DLGAP1: variants seen among roughly 807,000 people sequenced by gnomAD.
DLGAP1 encodes DLG associated protein 1.
DLGAP1 carries 11 observed loss-of-function variants against 90.8 expected under a neutral mutation model. The observed-to-expected ratio is 0.12, with a 90% CI of 0.08 to 0.20. DLGAP1 has a LOEUF of 0.20. Among genes scored for constraint, DLGAP1 ranks in the 10% least tolerant of loss-of-function variants. DLGAP1 has a pLI of 1.00. For missense variants in DLGAP1, 1,050 were observed against 1,333.8 expected (o/e 0.79, Z 3.31); for synonymous variants, 558 against 540.7 (o/e 1.03, Z -0.44).
At chr18:4,211,672 ATCAGCAATCACTCAAT>A (rs1415436903) in intron 1 of DLGAP1, among the ~76,000 whole-genome samples, 1 of 152,180 alleles carries the variant, frequency 6.6e-6, no homozygotes, top group East Asian at 1.9e-4. Flanking sequence ...ACCCAGAAAG[ATCAGCAATCACTCAAT>A]TAGCTTCCAC....
chr18:3,809,489 A>G (rs376799881), intron 5 of DLGAP1, among the ~76,000 whole-genome samples: 94 of 152,354 alleles, frequency 6.2e-4, no homozygotes, highest in African/African-American at 2.2e-3. Context: ...CCTTCAAGGC[A>G]TTTAGAACTG....
intron 7 of DLGAP1, among the ~76,000 whole-genome samples, chr18:3,644,976 T>G (rs1280094526): frequency 6.6e-6 from 1 of 152,228 alleles, no homozygotes; most frequent in Non-Finnish European, 1.5e-5. Flanking sequence ...ATACTCATAA[T>G]GTTTAAATAT....
intron 9 of DLGAP1, among the ~76,000 whole-genome samples, chr18:3,534,910 T>A (rs1425810378): frequency 3.3e-5 from 5 of 152,100 alleles, no homozygotes; most frequent in African/African-American, 1.2e-4. Context: ...CAGGTGGGTC[T>A]CGAACTACTG....
rs1309505325 is a variant in DLGAP1, at chr18:3,565,115, G to C, written c.2057+2375C>G. On this transcript the variant is annotated intron_variant, in intron 9 of 12. Transcript: ENST00000315677. This position sits in a 1 kb window ranked among gnomAD's most constrained non-coding sequence, Gnocchi z 4.0. The stretch of plus-strand genomic sequence containing the variant: ...GTCAACCACTACATCGTTGAGAAAA[G>C]GCACCAAGCTGGGCTGGTGGGAGAT... Among the ~76,000 whole-genome samples, 2 of 152,140 alleles carry C rather than the reference G, an allele frequency of 1.3e-5. No individual in the cohort carries two copies. Among genetic ancestry groups the C allele is most frequent in the Admixed American group, 1.3e-4 (2 of 15,268 alleles).
At chr18:4,034,016 C>A (rs1482101875) in intron 2 of DLGAP1, among the ~76,000 whole-genome samples, 1 of 149,080 alleles carries the variant, frequency 6.7e-6, no homozygotes, top group Non-Finnish European at 1.5e-5. Context: ...GGATGAGGGG[C>A]ATGAGCCACC....
At chr18:3,584,981 G>A (rs981737982) in intron 7 of DLGAP1, among the ~76,000 whole-genome samples, 3 of 152,104 alleles carry the variant, frequency 2.0e-5, no homozygotes, top group Admixed American at 1.3e-4. Flanking sequence ...TTGAACCCCT[G>A]GCTTCAAGCG....
intron 4 of DLGAP1, among the ~76,000 whole-genome samples, chr18:3,820,341 C>G (rs1333584709): frequency 6.6e-6 from 1 of 152,182 alleles, no homozygotes; most frequent in Non-Finnish European, 1.5e-5. Context: ...GGGAGGAAAA[C>G]TGATGAACCC....
intron 5 of DLGAP1, among the ~76,000 whole-genome samples, chr18:3,784,476 A>C (rs991041856): frequency 6.6e-6 from 1 of 152,162 alleles, no homozygotes; most frequent in Non-Finnish European, 1.5e-5. Flanking sequence ...TTATTTTTTA[A>C]GAATCCTGGA....
intron 2 of DLGAP1, among the ~76,000 whole-genome samples, chr18:4,009,728 A>G (rs1189204277): frequency 6.6e-6 from 1 of 152,188 alleles, no homozygotes; most frequent in African/African-American, 2.4e-5. Context: ...TCATGTTCCC[A>G]TGGTAGGGAT....
intron 9 of DLGAP1, among the ~76,000 whole-genome samples, chr18:3,545,586 G>A (rs113666581): frequency 8.5e-5 from 13 of 152,234 alleles, no homozygotes; most frequent in African/African-American, 3.1e-4. Flanking sequence ...GCCGGGAGCC[G>A]TGGCTTATAC....
chr18:3,756,859 C>A (rs942466863), intron 5 of DLGAP1, among the ~76,000 whole-genome samples: 10 of 151,964 alleles, frequency 6.6e-5, no homozygotes, highest in African/African-American at 1.4e-4. Context: ...TCTAAAAAAA[C>A]CCCCAAATTA....
In DLGAP1 at chr18:4,331,700, C is replaced by T. The variant is rs540529085; in HGVS notation, c.-267+123306G>A. Among the ~76,000 whole-genome samples the T allele has an allele frequency of 2.4e-4, 37 of 151,946 alleles. No homozygotes were observed. In the South Asian group the frequency reaches 6.6e-3, roughly 27 times the overall value. On this transcript the variant is annotated intron_variant, in intron 1 of 12. Coordinates refer to ENST00000315677, the MANE Select transcript of DLGAP1 (RefSeq NM_004746.4). ...TAAGCCCATTTCTCCTTGTGGACCACCACACTTCGGTTCCTCCTGGTCTTT... is the reference window on the plus strand; with the variant it reads ...TAAGCCCATTTCTCCTTGTGGACCATCACACTTCGGTTCCTCCTGGTCTTT...
intron 3 of DLGAP1, among the ~76,000 whole-genome samples, chr18:3,923,380 G>A (rs568228302): frequency 4.6e-4 from 70 of 151,896 alleles, no homozygotes; most frequent in African/African-American, 1.5e-3. Context: ...TTTATTTGCC[G>A]TTTTTGTATT....
intron 1 of DLGAP1, among the ~76,000 whole-genome samples, chr18:4,253,570 C>A (rs921505606): frequency 6.6e-6 from 1 of 152,062 alleles, no homozygotes; most frequent in Non-Finnish European, 1.5e-5. Flanking sequence ...ACCACCATGA[C>A]AGCTAATTTT....
intron 7 of DLGAP1, among the ~76,000 whole-genome samples, chr18:3,632,747 G>C (rs2058569970): frequency 6.6e-6 from 1 of 152,106 alleles, no homozygotes; most frequent in Non-Finnish European, 1.5e-5. Flanking sequence ...ATGTGGCCTA[G>C]AAAAAGTCTT....
chr18:3,866,463 G>C (rs1396072852), intron 4 of DLGAP1, among the ~76,000 whole-genome samples: 2 of 152,196 alleles, frequency 1.3e-5, no homozygotes, highest in Non-Finnish European at 2.9e-5. Context: ...AGACAGCCCA[G>C]GTACAGGGTG....
At chr18:4,340,237 T>C (rs2081161309) in intron 1 of DLGAP1, among the ~76,000 whole-genome samples, 1 of 152,280 alleles carries the variant, frequency 6.6e-6, no homozygotes. Flanking sequence ...TGATAGTTGG[T>C]CTGATAACTG....
intron 1 of DLGAP1, among the ~76,000 whole-genome samples, chr18:4,334,165 G>A (rs1488637654): frequency 6.6e-6 from 1 of 151,596 alleles, no homozygotes; most frequent in Non-Finnish European, 1.5e-5. Context: ...TTGAACCCGG[G>A]AGGCAGAGGT....
At chr18:3,839,111 G>A (rs540654057) in intron 4 of DLGAP1, among the ~76,000 whole-genome samples, 2 of 152,174 alleles carry the variant, frequency 1.3e-5, no homozygotes, top group South Asian at 4.1e-4. Flanking sequence ...AAGGTGGAAG[G>A]GCTTATTTTC....
Sources: gnomAD v4.1 joint callset for allele counts (sites outside exome capture counted in the v4.1 genomes callset) on GRCh38, gnomAD v4.1.1 for gene constraint, Gnocchi (gnomAD v3.1) non-coding constraint, MANE v1.5 for transcripts, NCBI Gene and HGNC (gene_info 2026-07-23, HGNC 2026-07-21) for gene names.